The following FSD2 variants were observed in gnomAD, a reference collection of about 807,000 sequenced individuals.
The protein encoded by FSD2 is fibronectin type III and SPRY domain containing 2.
A neutral mutation model predicts 80.4 loss-of-function variants in FSD2; 71 were observed. That is an observed-to-expected ratio of 0.88 (90% CI 0.73 to 1.08). The LOEUF is 1.08. Among genes scored for constraint, FSD2 ranks in the 50% least tolerant of loss-of-function variants. The pLI, the probability that FSD2 is intolerant of heterozygous loss-of-function variation, is 0.00. For synonymous variants in FSD2, 361 were observed against 329.5 expected, an observed-to-expected ratio of 1.10 and a Z score of -1.03; for missense variants, 923 against 913.8, an observed-to-expected ratio of 1.01 and a Z score of -0.13.
chr15:82,801,646 G>A (rs1267539604), intron 1 of FSD2, among the ~76,000 whole-genome samples: 4 of 152,144 alleles, frequency 2.6e-5, no homozygotes, highest in Non-Finnish European at 4.4e-5. Context: ...TGCCATGTAT[G>A]TTATTGGTTT....
chr15:82,798,205 C>A (rs1041061585), intron 1 of FSD2, among the ~76,000 whole-genome samples: 2 of 151,962 alleles, frequency 1.3e-5, no homozygotes, highest in African/African-American at 2.4e-5. Flanking sequence ...ACTAGCCCAG[C>A]GTGGTGGTGT....
chr15:82,759,936 G>C lies in FSD2; in HGVS notation c.1998-336C>G, dbSNP rs559129258. 5.9e-5 allele frequency among the ~76,000 whole-genome samples: 9 copies of C among 151,726 alleles called. No individual in the cohort carries two copies. In the South Asian group the frequency reaches 1.9e-3, roughly 32 times the overall value. ...AGCCTCCTGAGTAGCTGGGATTACAGGCGTGCACCACCAAGCCCGGCTAAT... is the reference window on the plus strand; with the variant it reads ...AGCCTCCTGAGTAGCTGGGATTACACGCGTGCACCACCAAGCCCGGCTAAT... On this transcript the variant is annotated intron_variant, in intron 12 of 12. Transcript: ENST00000334574.
intron 3 of FSD2, among the ~76,000 whole-genome samples, 170 bp from the exon 4 acceptor site, chr15:82,783,195 T>G (rs1452191746): frequency 6.6e-6 from 1 of 152,132 alleles, no homozygotes; most frequent in Non-Finnish European, 1.5e-5. Context: ...GCCCCCCAGG[T>G]TAAAGTGATT....
chr15:82,796,793 C>A (rs2151537420), intron 1 of FSD2, among the ~76,000 whole-genome samples: 1 of 152,138 alleles, frequency 6.6e-6, no homozygotes, highest in Admixed American at 6.5e-5. Flanking sequence ...GAAGACTTTC[C>A]AAGGGGTACA....
intron 1 of FSD2, among the ~76,000 whole-genome samples, chr15:82,794,764 A>G (rs1346771454): frequency 7.2e-6 from 1 of 139,168 alleles, no homozygotes; most frequent in Non-Finnish European, 1.5e-5. Context: ...TCGCTCTGTC[A>G]CCCAGGTTGG....
rs752167870 is a variant in FSD2, at chr15:82,786,902, G to A, written c.489C>T (p.Cys163=). 3.7e-6 allele frequency: 6 copies of A among 1,613,838 alleles called. No homozygotes were observed. Among genetic ancestry groups the A allele is most frequent in the Non-Finnish European group, 5.1e-6 (6 of 1,179,892 alleles). Residue 163 remains cysteine, a synonymous_variant, in exon 2 of 13, where the codon TGC becomes TGT. Coordinates refer to ENST00000334574, the MANE Select transcript of FSD2 (RefSeq NM_001007122.4). ...THGRASEEYE[C]YVIPEEEDEE... is the part of the protein sequence containing the mutation. ...CATCCTCTTCCTCGGGGATGACATA[G>A]CATTCATACTCCTCGCTGGCACGGC... is the stretch of plus-strand genomic sequence containing the variant.
chr15:82,803,834 A>C (rs2050468976), intron 1 of FSD2, among the ~76,000 whole-genome samples: 1 of 151,844 alleles, frequency 6.6e-6, no homozygotes, highest in Admixed American at 6.6e-5. Context: ...CTGGATTCAG[A>C]GAGTCCTGTG....
At chr15:82,766,081 C>A in intron 9 of FSD2, 50 bp from the exon 10 acceptor site, 1 of 1,507,150 alleles carries the variant, frequency 6.6e-7, no homozygotes, top group Non-Finnish European at 8.9e-7. Flanking sequence ...GACACCCAGG[C>A]CCAAGCACCA....
chr15:82,784,376 C>T (rs1052283419), intron 3 of FSD2, among the ~76,000 whole-genome samples: 1 of 151,956 alleles, frequency 6.6e-6, no homozygotes, highest in Non-Finnish European at 1.5e-5. Context: ...TCCCAAGTAG[C>T]TGGGATTACA....
At chr15:82,792,167 G>A (rs938999437) in intron 1 of FSD2, among the ~76,000 whole-genome samples, 1 of 152,184 alleles carries the variant, frequency 6.6e-6, no homozygotes, top group Non-Finnish European at 1.5e-5. Context: ...GGTAACTTAT[G>A]TTTAACTTTC....
At chr15:82,796,809 T>C (rs2050282464) in intron 1 of FSD2, among the ~76,000 whole-genome samples, 1 of 152,160 alleles carries the variant, frequency 6.6e-6, no homozygotes, top group Admixed American at 6.6e-5. Flanking sequence ...GTACATGGTA[T>C]AGATAGCTTC....
intron 1 of FSD2, among the ~76,000 whole-genome samples, chr15:82,790,171 G>A (rs1334204873): frequency 7.0e-5 from 10 of 142,770 alleles, no homozygotes; most frequent in African/African-American, 1.6e-4. Context: ...GCGAGACTCC[G>A]TCTCAAACAA....
intron 1 of FSD2, among the ~76,000 whole-genome samples, chr15:82,789,744 G>A (rs926925755): frequency 5.3e-5 from 8 of 152,216 alleles, no homozygotes; most frequent in African/African-American, 1.9e-4. Flanking sequence ...AGCACAGCCA[G>A]GAATTCTAAG....
chr15:82,779,389 G>T (rs1004639084), intron 5 of FSD2, among the ~76,000 whole-genome samples: 2 of 152,168 alleles, frequency 1.3e-5, no homozygotes, highest in African/African-American at 4.8e-5. Context: ...CCAGGGCCAG[G>T]CATGATGGCT....
At chr15:82,781,675 C>T (rs924311700) in intron 4 of FSD2, among the ~76,000 whole-genome samples, 2 of 152,104 alleles carry the variant, frequency 1.3e-5, no homozygotes, top group South Asian at 4.1e-4. Context: ...AATTGCTACA[C>T]TTGTAACTGG....
chr15:82,777,218 C>T (rs2049734389), intron 6 of FSD2, among the ~76,000 whole-genome samples: 1 of 152,086 alleles, frequency 6.6e-6, no homozygotes, highest in African/African-American at 2.4e-5. Flanking sequence ...AAAAAATAGG[C>T]AAATGGCACT....
Position 82,759,227 on chromosome 15 carries a change from T to C in FSD2, c.*121A>G, listed in dbSNP as rs2049231668. On this transcript the variant is annotated 3_prime_UTR_variant, in exon 13 of 13. Coordinates refer to ENST00000334574, the MANE Select transcript of FSD2 (RefSeq NM_001007122.4). ...GAGCGCTAGCACACCAGTCAGATAA[T>C]AGCATGAGCCATAAATTGTGCTGGG... The C allele has an allele frequency of 2.9e-5, 31 of 1,075,700 alleles. No individual in the cohort carries two copies. The South Asian group carries it at 5.1e-4, about 18-fold the overall frequency. The allele number at this position is 1,075,700 out of a possible 1,614,324, so 66.6% of individuals were successfully genotyped here.
rs902308305 is a variant in FSD2 at position 82,797,012 on chromosome 15, T to G, written c.-79+8954A>C. ...TCATTGCACTGTAAGATTTCATTGC[T>G]TGGTAATTAAAAAAAAAAAAAAAAA... is the stretch of plus-strand genomic sequence containing the variant. On this transcript the variant is annotated intron_variant, in intron 1 of 12. Transcript: ENST00000334574. Among the ~76,000 whole-genome samples, 10 of 118,412 alleles carry G rather than the reference T, an allele frequency of 8.4e-5. No individual in the cohort carries two copies. In the Admixed American group the frequency reaches 1.0e-3, roughly 12 times the overall value. The allele number at this position is 118,412 out of a possible 152,430, so 77.7% of individuals were successfully genotyped here.
rs763012415 is a variant in FSD2, at chr15:82,765,979, G to A, written c.1606C>T (p.Arg536Trp). 9.4e-6 allele frequency: 15 copies of A among 1,599,508 alleles called. No homozygotes were observed. In the East Asian group the frequency reaches 1.1e-4, roughly 12 times the overall value. Residue 536 changes from arginine (R) to tryptophan (W), a missense_variant, in exon 10 of 13, where the codon CGG becomes TGG. By Grantham distance (101) the Arg-to-Trp change is moderately radical. Coordinates refer to ENST00000334574, the MANE Select transcript of FSD2 (RefSeq NM_001007122.4). ...CESVVQLQPG[R>W]SYIIYVRALN... is the part of the protein sequence containing the mutation. The stretch of plus-strand genomic sequence containing the variant: ...GCTCGCACATAGATAATGTAGCTCC[G>A]CCCCGGCTGCAGCTGCACCACGGAC...
Sources: allele counts gnomAD v4.1 joint callset (sites outside exome capture counted in the v4.1 genomes callset), GRCh38; gene constraint gnomAD v4.1.1; transcripts MANE v1.5; gene names NCBI Gene and HGNC (gene_info 2026-07-23, HGNC 2026-07-21).